NCOR1: variants seen among roughly 807,000 people sequenced by gnomAD.
NCOR1 encodes protein phosphatase 1, regulatory subunit 109.
Under a neutral mutation model 288.1 loss-of-function variants are expected in NCOR1, and 63 were observed. The observed-to-expected ratio is 0.22, with a 90% confidence interval of 0.18 to 0.27. The LOEUF is 0.27. NCOR1 is among the 10% of genes least tolerant of loss of function. The pLI is 1.00. For missense variants in NCOR1, 2,397 were observed against 3,019.2 expected, an observed-to-expected ratio of 0.79 and a Z score of 4.83; for synonymous variants, 1,007 against 1,065.9, an observed-to-expected ratio of 0.94 and a Z score of 1.08.
intron 1 of NCOR1, among the ~76,000 whole-genome samples, chr17:16,197,992 C>T (rs1413930921): frequency 1.1e-4 from 16 of 152,040 alleles, no homozygotes; most frequent in Non-Finnish European, 2.2e-4. Flanking sequence ...TACATACACT[C>T]ACACTTTTTC....
chr17:16,152,203 G>A (rs565146140), intron 7 of NCOR1, among the ~76,000 whole-genome samples: 6 of 152,060 alleles, frequency 3.9e-5, no homozygotes, highest in South Asian at 2.1e-4. Flanking sequence ...CGTGCACAAC[G>A]TGCAGGTTTG....
At chr17:16,179,034 C>G (rs888160868) in intron 3 of NCOR1, among the ~76,000 whole-genome samples, 1 of 152,096 alleles carries the variant, frequency 6.6e-6, no homozygotes, top group Non-Finnish European at 1.5e-5. Context: ...ACATGAGAGG[C>G]AGAGGTTGCA....
In NCOR1 at chr17:16,144,204, GA is replaced by G. The variant is rs1389432940; in HGVS notation, c.1083-509del. Among the ~76,000 whole-genome samples, 6 of 152,208 alleles carry G rather than the reference GA, an allele frequency of 3.9e-5. No individual in the cohort carries two copies. The South Asian group carries it at 1.0e-3, about 26-fold the overall frequency. ...GTAAAACAAATCAGAATCTATCAAA[GA>G]ATTTCTTAATTGGCCATCAGCTGAA... On this transcript the variant is annotated intron_variant, in intron 10 of 45. Transcript: ENST00000268712.
At chr17:16,119,517 G>T in intron 16 of NCOR1, 32 bp from the exon 17 acceptor site, 3 of 1,422,526 alleles carry the variant, frequency 2.1e-6, no homozygotes, top group Non-Finnish European at 2.9e-6. Context: ...ATCAGGCAGA[G>T]AAAAACAAAG....
intron 9 of NCOR1, among the ~76,000 whole-genome samples, chr17:16,148,842 C>T (rs1320286843): frequency 2.0e-5 from 3 of 151,988 alleles, no homozygotes; most frequent in Non-Finnish European, 2.9e-5. Flanking sequence ...TTTTTGATGT[C>T]GATTTAAAGA....
At chr17:16,075,333 G>A (rs146222423) in intron 27 of NCOR1, among the ~76,000 whole-genome samples, 4 of 152,242 alleles carry the variant, frequency 2.6e-5, no homozygotes, top group Non-Finnish European at 4.4e-5. Context: ...TGAGCTCTGC[G>A]TTGTTAATTA....
chr17:16,033,662 T>C (rs893982410), intron 45 of NCOR1, among the ~76,000 whole-genome samples: 2 of 137,484 alleles, frequency 1.5e-5, no homozygotes, highest in South Asian at 4.5e-4. Flanking sequence ...GTTTTAAAAG[T>C]CTGTTGCTTT....
chr17:16,061,517 C>G lies in NCOR1; in HGVS notation c.5765G>C (p.Arg1922Thr). 6.2e-7 allele frequency: 1 copy of G among 1,614,244 alleles called. No homozygotes were observed. Among genetic ancestry groups the G allele is most frequent in the Non-Finnish European group, 8.5e-7 (1 of 1,180,046 alleles). ...AGCTGCAGTAATGGTAGTCTTCCCT[C>G]TGGTCCTTAGCTCTTCCTCATATCT... ...KSRYEEELRT[R>T]GKTTITAANF... is the part of the protein sequence containing the mutation. Residue 1922 changes from arginine to threonine, a missense_variant, in exon 37 of 46, where the codon AGA (arginine) becomes ACA (threonine). Physicochemically the swap from Arg to Thr is moderately conservative, Grantham distance 71. Transcript: ENST00000268712.
At chr17:16,215,248 A>AC in intron 1 of NCOR1, 114 bp downstream of exon 1, 1 of 383,540 alleles carries the variant, frequency 2.6e-6, no homozygotes, top group Middle Eastern at 6.6e-4. Context: ...GGCCTGCGAC[A>AC]CCCCCCGCCC....
At position 16,034,024 on chromosome 17, in the gene NCOR1, C is replaced by T. The variant is rs554509278; in HGVS notation, c.7135+741G>A. Among the ~76,000 whole-genome samples, 198 of 152,272 alleles carry T rather than the reference C, an allele frequency of 1.3e-3. 1 individual carries two copies. Among genetic ancestry groups the T allele is most frequent in the African/African-American group, 4.5e-3 (188 of 41,572 alleles). ...TGATGGCTTTTTAAACTAGTCTTCT[C>T]ATTTCTAATTTTGATTTCTTAGTAT... On this transcript the variant is annotated intron_variant, in intron 45 of 45. Transcript: ENST00000268712.
intron 3 of NCOR1, among the ~76,000 whole-genome samples, chr17:16,185,421 T>C (rs1055141992): frequency 2.0e-5 from 3 of 151,700 alleles, no homozygotes; most frequent in African/African-American, 4.8e-5. Context: ...CAGTGGCTCA[T>C]GCCTATGATC....
At chr17:16,158,123 G>A (rs1187926339) in intron 6 of NCOR1, among the ~76,000 whole-genome samples, 2 of 151,962 alleles carry the variant, frequency 1.3e-5, no homozygotes, top group African/African-American at 4.8e-5. Flanking sequence ...ACAGGCATGC[G>A]CCACCACGCC....
At chr17:16,093,261 C>A in intron 21 of NCOR1, among the ~76,000 whole-genome samples, 1 of 152,182 alleles carries the variant, frequency 6.6e-6, no homozygotes, top group East Asian at 1.9e-4. Flanking sequence ...TGGCAGCCAT[C>A]CTTGACTAAT....
At chr17:16,195,042 G>C (rs1429896206) in intron 1 of NCOR1, among the ~76,000 whole-genome samples, 1 of 152,228 alleles carries the variant, frequency 6.6e-6, no homozygotes, top group Non-Finnish European at 1.5e-5. Context: ...CATTTGTGCA[G>C]AGGGAAGTAT....
At chr17:16,185,008 CA>C (rs34725978) in intron 3 of NCOR1, among the ~76,000 whole-genome samples, 6,504 of 97,484 alleles carry the variant, frequency 0.067, 156 homozygotes, top group African/African-American at 0.15. Flanking sequence ...GAATCTTAAA[CA>C]AAAAAAAAAA....
chr17:16,080,767 CAT>C, intron 23 of NCOR1, 40 bp from the exon 24 acceptor site: 1 of 1,569,236 alleles, frequency 6.4e-7, no homozygotes, highest in Non-Finnish European at 8.7e-7. Context: ...ATTAAGCAAA[CAT>C]TGTTTTTTTC....
intron 17 of NCOR1, 149 bp downstream of exon 17, chr17:16,119,274 A>G (rs992274225): frequency 1.2e-5 from 6 of 511,774 alleles, no homozygotes; most frequent in South Asian, 3.6e-5. Flanking sequence ...ATACTACCAG[A>G]AAAGAACTCT....
chr17:16,193,703 C>T (rs74389341), intron 2 of NCOR1, among the ~76,000 whole-genome samples: 38 of 152,236 alleles, frequency 2.5e-4, no homozygotes, highest in Non-Finnish European at 4.0e-4. Context: ...TCAACAAAAA[C>T]GTGCAACTAA....
intron 21 of NCOR1, among the ~76,000 whole-genome samples, chr17:16,095,723 G>A (rs1251738880): frequency 1.5e-5 from 2 of 134,358 alleles, no homozygotes; most frequent in African/African-American, 2.8e-5. Flanking sequence ...CCCCCCGCCC[G>A]GCCAGCCGCC....
Sources: allele counts gnomAD v4.1 joint callset (sites outside exome capture counted in the v4.1 genomes callset), GRCh38; gene constraint gnomAD v4.1.1; transcripts MANE v1.5; gene names NCBI Gene and HGNC (gene_info 2026-07-23, HGNC 2026-07-21).